SLC5A4: variants seen among roughly 807,000 people sequenced by gnomAD.
SLC5A4 encodes solute carrier family 5 member 4, also known as probable glucose sensor protein SLC5A4.
Under a neutral mutation model 70.3 loss-of-function variants are expected in SLC5A4, and 55 were observed. That is an observed-to-expected ratio of 0.78 (90% CI 0.63 to 0.98). The LOEUF (loss-of-function observed/expected upper bound fraction) is 0.98, where lower values mean the gene tolerates loss of function less well. Ranked by LOEUF, SLC5A4 falls within the 50% of genes least tolerant of loss-of-function variation. SLC5A4 has a pLI of 0.00. For synonymous variants in SLC5A4, 268 were observed against 305.7 expected, an observed-to-expected ratio of 0.88 and a Z score of 1.29; for missense variants, 735 against 839.2, an observed-to-expected ratio of 0.88 and a Z score of 1.53.
At chr22:32,346,317 G>A in the SLC5A4 span, among the ~76,000 whole-genome samples, 2 of 152,012 alleles carry the variant, frequency 1.3e-5, no homozygotes, top group East Asian at 1.9e-4. Context: ...TATTATTGTC[G>A]CTACCAATGA....
the SLC5A4 span, among the ~76,000 whole-genome samples, chr22:32,280,916 C>T: frequency 6.6e-6 from 1 of 152,150 alleles, no homozygotes; most frequent in African/African-American, 2.4e-5. Flanking sequence ...GGGTCCCCTT[C>T]TCTGCTACCA....
the SLC5A4 span, among the ~76,000 whole-genome samples, chr22:32,307,279 G>T: frequency 4.0e-5 from 6 of 151,874 alleles, no homozygotes; most frequent in Non-Finnish European, 8.8e-5. Flanking sequence ...AGTCAAATCT[G>T]CTCTTCATCA....
intron 5 of SLC5A4, among the ~76,000 whole-genome samples, chr22:32,242,708 C>CA (rs531058797): frequency 1.7e-4 from 25 of 144,500 alleles, no homozygotes; most frequent in South Asian, 2.2e-4. Flanking sequence ...GACTCCGTCT[C>CA]AAAAAAAAAA....
At chr22:32,246,084 C>G (rs1382416145) in intron 5 of SLC5A4, among the ~76,000 whole-genome samples, 3 of 152,230 alleles carry the variant, frequency 2.0e-5, no homozygotes, top group Non-Finnish European at 4.4e-5. Flanking sequence ...TGTCCATGCA[C>G]TCTAGTTCAG....
chr22:32,248,362 A>G (rs1242089611), intron 4 of SLC5A4, among the ~76,000 whole-genome samples: 1 of 152,138 alleles, frequency 6.6e-6, no homozygotes, highest in African/African-American at 2.4e-5. Context: ...TCTCTCAGGA[A>G]ATCAACCATC....
At chr22:32,269,053 G>T in the SLC5A4 span, among the ~76,000 whole-genome samples, 1 of 151,984 alleles carries the variant, frequency 6.6e-6, no homozygotes, top group Admixed American at 6.6e-5. This position sits in a 1 kb window ranked among gnomAD's most constrained non-coding sequence, Gnocchi z 4.1. Flanking sequence ...CCACCACACC[G>T]GGCTAATTTT....
intron 3 of SLC5A4, among the ~76,000 whole-genome samples, chr22:32,250,755 C>A (rs1407566346): frequency 6.6e-6 from 1 of 151,980 alleles, no homozygotes; most frequent in Non-Finnish European, 1.5e-5. Flanking sequence ...CACATATATA[C>A]CATAGAATAC....
chr22:32,274,928 T>TCC, the SLC5A4 span, among the ~76,000 whole-genome samples: 2 of 151,870 alleles, frequency 1.3e-5, no homozygotes, highest in Non-Finnish European at 2.9e-5. Context: ...CAGTTCAACT[T>TCC]ATGAGTCCTT....
At chr22:32,301,862 C>G in the SLC5A4 span, among the ~76,000 whole-genome samples, 11 of 151,094 alleles carry the variant, frequency 7.3e-5, no homozygotes, top group South Asian at 2.1e-3. Flanking sequence ...AAAACCCTCA[C>G]ATTTATGGTC....
intron 13 of SLC5A4, 88 bp from the exon 14 acceptor site, chr22:32,221,110 G>A: frequency 1.1e-6 from 1 of 893,944 alleles, no homozygotes; most frequent in East Asian, 2.5e-5. Context: ...ATCGTCTGGT[G>A]TTTTTAAAAA....
chr22:32,332,860 T>C, the SLC5A4 span, among the ~76,000 whole-genome samples: 1 of 152,240 alleles, frequency 6.6e-6, no homozygotes, highest in Non-Finnish European at 1.5e-5. Flanking sequence ...TCTGAGATGC[T>C]GTCCTTTTCA....
the SLC5A4 span, chr22:32,269,944 C>T: frequency 7.5e-6 from 4 of 533,836 alleles, no homozygotes; most frequent in Non-Finnish European, 1.5e-5. The surrounding 1 kb of genome is among the most constrained non-coding windows in gnomAD (Gnocchi z 4.1). Flanking sequence ...CACCATGGAG[C>T]CTGGGTACCT....
chr22:32,239,622 T>G (rs1926387089), intron 5 of SLC5A4, among the ~76,000 whole-genome samples: 1 of 123,740 alleles, frequency 8.1e-6, no homozygotes, highest in African/African-American at 3.0e-5. Flanking sequence ...GTATAATATA[T>G]AAAATATATA....
In SLC5A4 at chr22:32,220,997, C is replaced by T. The variant is rs772122885; in HGVS notation, c.1691G>A (p.Arg564Gln). 1.8e-5 allele frequency: 29 copies of T among 1,613,618 alleles called. No homozygotes were observed. The highest frequency in any genetic ancestry group is 1.6e-4 in the Middle Eastern group (1 of 6,084). The stretch of plus-strand genomic sequence containing the variant: ...ATCGATTCGCTCCTCTGTACTGTTC[C>T]GAAGAACCCAGCACAGGCGGTACAG... ...VHLYRLCWVL[R>Q]NSTEERIDID... The change falls in exon 14 of 15, where the codon CGG (arginine) becomes CAG (glutamine). Residue 564 changes from arginine (R) to glutamine (Q), a missense_variant. By Grantham distance (43) the Arg-to-Gln change is conservative. Transcript: ENST00000266086.
the SLC5A4 span, among the ~76,000 whole-genome samples, chr22:32,332,580 C>A: frequency 1.3e-5 from 2 of 152,198 alleles, no homozygotes; most frequent in Non-Finnish European, 2.9e-5. Context: ...GGGCTGGGAG[C>A]CTCTGCAGAG....
the SLC5A4 span, among the ~76,000 whole-genome samples, chr22:32,351,564 C>T: frequency 6.6e-6 from 1 of 150,980 alleles, no homozygotes; most frequent in Admixed American, 6.6e-5. Context: ...TAGCCGGGCA[C>T]AGCAGTATTC....
At chr22:32,267,984 C>T in the SLC5A4 span, among the ~76,000 whole-genome samples, 18 of 152,064 alleles carry the variant, frequency 1.2e-4, no homozygotes, top group Non-Finnish European at 2.2e-4. Flanking sequence ...ATTAGCCAGG[C>T]GTGGTGGTGG....
At chr22:32,278,952 A>C in the SLC5A4 span, among the ~76,000 whole-genome samples, 1 of 152,266 alleles carries the variant, frequency 6.6e-6, no homozygotes, top group Admixed American at 6.5e-5. Flanking sequence ...GTTAAATACT[A>C]ATAGAGAAAA....
chr22:32,277,929 T>C, the SLC5A4 span, among the ~76,000 whole-genome samples: 1 of 152,144 alleles, frequency 6.6e-6, no homozygotes, highest in South Asian at 2.1e-4. Context: ...ATTAGGCAAC[T>C]CATAAAAACT....
Sources: allele counts gnomAD v4.1 joint callset (sites outside exome capture counted in the v4.1 genomes callset), GRCh38; gene constraint gnomAD v4.1.1; non-coding constraint Gnocchi (gnomAD v3.1); transcripts MANE v1.5; gene names NCBI Gene and HGNC (gene_info 2026-07-23, HGNC 2026-07-21).